EPRS1: variants seen among roughly 807,000 people sequenced by gnomAD.
The protein encoded by EPRS1 is glutamyl-prolyl-tRNA synthetase 1.
In EPRS1, 107 loss-of-function variants were observed where a neutral mutation model predicts 188.3. The ratio of observed to expected loss-of-function variants is 0.57; its 90% CI spans 0.49 to 0.67. The LOEUF (loss-of-function observed/expected upper bound fraction) is 0.67. EPRS1 is among the 30% of genes least tolerant of loss of function. The pLI is 0.00. For missense variants in EPRS1, 1,577 were observed against 1,802.2 expected, an observed-to-expected ratio of 0.88 and a Z score of 2.26; for synonymous variants, 596 against 593.1, an observed-to-expected ratio of 1.00 and a Z score of -0.07.
At chr1:220,014,697 A>G (rs1008278980) in intron 12 of EPRS1, among the ~76,000 whole-genome samples, 2 of 152,228 alleles carry the variant, frequency 1.3e-5, no homozygotes, top group African/African-American at 4.8e-5. Flanking sequence ...AATTACTGAC[A>G]TGGAATTTCT....
At chr1:220,021,636 A>C (rs1413666150) in intron 9 of EPRS1, among the ~76,000 whole-genome samples, 4 of 152,366 alleles carry the variant, frequency 2.6e-5, no homozygotes, top group Middle Eastern at 6.8e-3. Flanking sequence ...TAAAACAAGG[A>C]GTAATCCTGA....
intron 20 of EPRS1, among the ~76,000 whole-genome samples, chr1:219,986,553 A>G (rs542717426): frequency 6.6e-6 from 1 of 152,282 alleles, no homozygotes; most frequent in East Asian, 1.9e-4. Flanking sequence ...GTGGTGTATG[A>G]CCGTACATTA....
chr1:220,018,708 G>C (rs1661792942), intron 11 of EPRS1, among the ~76,000 whole-genome samples, 200 bp from the exon 12 acceptor site: 1 of 151,546 alleles, frequency 6.6e-6, no homozygotes, highest in Non-Finnish European at 1.5e-5. Flanking sequence ...TCAGTCTACA[G>C]ACTGCTCACA....
At chr1:220,040,834 G>A (rs577236100) in intron 1 of EPRS1, among the ~76,000 whole-genome samples, 53 of 136,374 alleles carry the variant, frequency 3.9e-4, no homozygotes, top group Non-Finnish European at 6.1e-4. Context: ...TAGGTGACAA[G>A]AGCAAAACTG....
At chr1:220,013,396 C>T (rs1298361570) in intron 12 of EPRS1, among the ~76,000 whole-genome samples, 1 of 152,120 alleles carries the variant, frequency 6.6e-6, no homozygotes, top group Non-Finnish European at 1.5e-5. Context: ...CATCTCTTTC[C>T]CCTTCATCCA....
intron 16 of EPRS1, among the ~76,000 whole-genome samples, chr1:220,003,574 G>C (rs1271401832): frequency 6.6e-6 from 1 of 152,070 alleles, no homozygotes; most frequent in Non-Finnish European, 1.5e-5. Context: ...GTTAATTTTT[G>C]TATATGATAT....
intron 16 of EPRS1, among the ~76,000 whole-genome samples, chr1:220,004,594 A>G (rs1286545662): frequency 6.6e-6 from 1 of 152,170 alleles, no homozygotes; most frequent in African/African-American, 2.4e-5. Context: ...GGGAAGCATA[A>G]GTCAAAGATG....
intron 28 of EPRS1, among the ~76,000 whole-genome samples, 187 bp from the exon 29 acceptor site, chr1:219,973,585 A>C (rs774826547): frequency 1.3e-5 from 2 of 152,036 alleles, no homozygotes; most frequent in Non-Finnish European, 2.9e-5. Flanking sequence ...TATTCCAGTA[A>C]GAAGGCATAA....
At chr1:219,983,099 T>C (rs953748535) in intron 22 of EPRS1, 90 bp downstream of exon 22, 11 of 1,094,660 alleles carry the variant, frequency 1.0e-5, no homozygotes, top group Non-Finnish European at 1.1e-5. Flanking sequence ...AATGGCTTTA[T>C]ATTTTTCAAA....
At chr1:220,035,171 A>G (rs536647626) in intron 2 of EPRS1, among the ~76,000 whole-genome samples, 158 bp from the exon 3 acceptor site, 1 of 152,286 alleles carries the variant, frequency 6.6e-6, no homozygotes, top group African/African-American at 2.4e-5. Flanking sequence ...TTTGTTTCAG[A>G]TGCAGTTTCA....
chr1:220,037,940 T>C (rs112291982), intron 2 of EPRS1, among the ~76,000 whole-genome samples: 70 of 152,308 alleles, frequency 4.6e-4, no homozygotes, highest in African/African-American at 1.6e-3. Context: ...ACGGTCATTA[T>C]AATGTAAATA....
At chr1:219,996,801 C>T (rs1368251140) in intron 18 of EPRS1, among the ~76,000 whole-genome samples, 182 bp downstream of exon 18, 1 of 152,170 alleles carries the variant, frequency 6.6e-6, no homozygotes, top group East Asian at 1.9e-4. Context: ...TAAGTCACCC[C>T]TCCACTAGAT....
intron 23 of EPRS1, among the ~76,000 whole-genome samples, chr1:219,982,340 TAAG>T (rs1470848489): frequency 6.6e-6 from 1 of 152,128 alleles, no homozygotes; most frequent in Non-Finnish European, 1.5e-5. Context: ...AACACTGTTG[TAAG>T]AATAACACGA....
intron 2 of EPRS1, among the ~76,000 whole-genome samples, chr1:220,036,721 CTA>C (rs1279192155): frequency 6.6e-6 from 1 of 152,056 alleles, no homozygotes; most frequent in East Asian, 1.9e-4. Flanking sequence ...GAAGAAATAA[CTA>C]TTGGATGGCT....
In EPRS1 at chr1:219,983,474, C is replaced by G. The variant is rs547073669; in HGVS notation, c.3091-76G>C. 1.1e-4 allele frequency: 108 copies of G among 1,013,934 alleles called. No individual in the cohort carries two copies. The African/African-American group carries it at 1.7e-3, about 16-fold the overall frequency. The allele number at this position is 1,013,934 out of a possible 1,614,324, so 62.8% of individuals were successfully genotyped here. A position where few individuals can be genotyped will look rare whatever the true frequency, so the allele number is the denominator to read the frequency against. ...GTATAAGTGGCAAGAGTATGATAAC[C>G]AAAATTCAAATCTGGAGGCTTCTAC... On this transcript the variant is annotated intron_variant, in intron 21 of 31. Transcript: ENST00000366923.
chr1:219,978,240 G>C (rs2102561972), intron 28 of EPRS1, among the ~76,000 whole-genome samples: 1 of 152,232 alleles, frequency 6.6e-6, no homozygotes, highest in East Asian at 1.9e-4. Flanking sequence ...TTTATTTTAT[G>C]AATTCCTGGC....
intron 28 of EPRS1, among the ~76,000 whole-genome samples, chr1:219,975,764 A>G (rs1406206183): frequency 6.6e-6 from 1 of 152,154 alleles, no homozygotes; most frequent in Non-Finnish European, 1.5e-5. Context: ...TTGGAATTTA[A>G]AGTATAGATA....
chr1:220,019,375 C>A (rs761844202), intron 10 of EPRS1, among the ~76,000 whole-genome samples: 2 of 152,074 alleles, frequency 1.3e-5, no homozygotes, highest in Non-Finnish European at 2.9e-5. Flanking sequence ...TGCATTCATA[C>A]ATTTTTATTT....
At chr1:219,983,926 C>T (rs1660952238) in intron 21 of EPRS1, among the ~76,000 whole-genome samples, 1 of 151,276 alleles carries the variant, frequency 6.6e-6, no homozygotes, top group African/African-American at 2.4e-5. Flanking sequence ...AATTCCAATC[C>T]TGCCTCTGCT....
Sources: allele counts gnomAD v4.1 joint callset (sites outside exome capture counted in the v4.1 genomes callset), GRCh38; gene constraint gnomAD v4.1.1; transcripts MANE v1.5; gene names NCBI Gene and HGNC (gene_info 2026-07-23, HGNC 2026-07-21).